The following CTNNA2 variants were observed in gnomAD, a reference collection of about 807,000 sequenced individuals.
CTNNA2 encodes catenin alpha 2, also known as catenin alpha-2.
A neutral mutation model predicts 101.0 loss-of-function variants in CTNNA2; 42 were observed. The observed-to-expected ratio is 0.42, with a 90% confidence interval of 0.32 to 0.54. The LOEUF is 0.54. Ranked by LOEUF, CTNNA2 falls within the 20% of genes least tolerant of loss-of-function variation. The pLI is 0.14. For synonymous variants in CTNNA2, 450 were observed against 456.4 expected (o/e 0.99, Z 0.18); for missense variants, 871 against 1,223.1 (o/e 0.71, Z 4.29).
chr2:79,825,712 A>G (rs1026406791), intron 3 of CTNNA2, among the ~76,000 whole-genome samples: 32 of 152,206 alleles, frequency 2.1e-4, no homozygotes, highest in African/African-American at 7.2e-4. Flanking sequence ...AATTTAGGAA[A>G]TATCATATAG....
At chr2:80,090,225 C>G (rs572345226) in intron 7 of CTNNA2, among the ~76,000 whole-genome samples, 1 of 149,430 alleles carries the variant, frequency 6.7e-6, no homozygotes, top group East Asian at 2.0e-4. Flanking sequence ...TGTGTGCATG[C>G]CTACATGTGA....
intron 9 of CTNNA2, among the ~76,000 whole-genome samples, chr2:80,425,545 G>A (rs962215524): frequency 6.6e-6 from 1 of 151,706 alleles, no homozygotes; most frequent in African/African-American, 2.4e-5. Flanking sequence ...TTTGATCTCT[G>A]TTTGAAAACC....
chr2:80,439,897 G>A (rs554283299), intron 9 of CTNNA2, among the ~76,000 whole-genome samples: 13 of 152,298 alleles, frequency 8.5e-5, no homozygotes, highest in African/African-American at 3.1e-4. Flanking sequence ...TCTACTATGT[G>A]CCAATAGTAT....
At chr2:79,209,573 T>A (rs1053752861) in intron 2 of CTNNA2, among the ~76,000 whole-genome samples, 1 of 152,210 alleles carries the variant, frequency 6.6e-6, no homozygotes. Flanking sequence ...CTGAAAACTG[T>A]CTTTTAATGC....
upstream of CTNNA2, among the ~76,000 whole-genome samples, chr2:79,512,692 CT>C (rs968799881): frequency 1.6e-4 from 24 of 152,000 alleles, no homozygotes; most frequent in African/African-American, 5.8e-4. Context: ...CACCTGCGCC[CT>C]ACGGCGGTGC....
intron 12 of CTNNA2, among the ~76,000 whole-genome samples, chr2:80,566,923 C>T (rs533765623): frequency 6.6e-6 from 1 of 152,122 alleles, no homozygotes. Context: ...GAAGTCATAA[C>T]CAAGATTCGA....
intron 7 of CTNNA2, among the ~76,000 whole-genome samples, chr2:80,023,837 C>T (rs1046848954): frequency 2.0e-5 from 3 of 152,118 alleles, no homozygotes; most frequent in African/African-American, 7.2e-5. Flanking sequence ...CCTGTAATCC[C>T]AGCACTTTGG....
chr2:80,039,423 G>A (rs745673896), intron 7 of CTNNA2, among the ~76,000 whole-genome samples: 15 of 152,182 alleles, frequency 9.9e-5, no homozygotes, highest in Non-Finnish European at 2.2e-4. Context: ...TTATCAGTCC[G>A]TCTTCTCATG....
At chr2:79,371,747 TC>T (rs1423734066) in intron 3 of CTNNA2, among the ~76,000 whole-genome samples, 1 of 152,062 alleles carries the variant, frequency 6.6e-6, no homozygotes, top group Non-Finnish European at 1.5e-5. Flanking sequence ...TTCCTATCAG[TC>T]CTGGGCAAAG....
At chr2:79,410,557 A>G (rs1678397917) in intron 4 of CTNNA2, among the ~76,000 whole-genome samples, 1 of 152,174 alleles carries the variant, frequency 6.6e-6, no homozygotes, top group Non-Finnish European at 1.5e-5. Context: ...CTATTGAGAT[A>G]ATCGTGTGGT....
At chr2:79,699,980 T>C (rs1684898336) in intron 2 of CTNNA2, among the ~76,000 whole-genome samples, 2 of 150,062 alleles carry the variant, frequency 1.3e-5, no homozygotes, top group African/African-American at 4.9e-5. Flanking sequence ...TGCATATATA[T>C]TTTATCCTCG....
intron 7 of CTNNA2, among the ~76,000 whole-genome samples, chr2:80,385,473 G>A (rs1320184622): frequency 6.6e-6 from 1 of 152,198 alleles, no homozygotes; most frequent in Non-Finnish European, 1.5e-5. Context: ...CCAGCCTCCA[G>A]AAATGTGAGA....
rs769095342 is a variant in CTNNA2 at position 79,651,577 on chromosome 2, T to A, written c.21T>A (p.Pro7=). Residue 7 remains proline (P), a synonymous_variant, in exon 2 of 19, where the codon CCT becomes CCA. Coordinates refer to ENST00000402739, the MANE Select transcript of CTNNA2 (RefSeq NM_001282597.3). MTSATS[P]IILKWDPKSL... ...GGAGCATGACTTCGGCAACTTCACC[T>A]ATCATTCTGAAATGGGACCCCAAAA... The A allele has an allele frequency of 6.2e-7, 1 of 1,613,834 alleles. No homozygotes were observed. Among genetic ancestry groups the A allele is most frequent in the Non-Finnish European group, 8.5e-7 (1 of 1,179,824 alleles).
At chr2:79,564,558 A>C (rs1394479581) in intron 1 of CTNNA2, among the ~76,000 whole-genome samples, 2 of 152,140 alleles carry the variant, frequency 1.3e-5, no homozygotes, top group Non-Finnish European at 2.9e-5. Flanking sequence ...TAGAAATCCT[A>C]CTCTGGGGAT....
chr2:79,678,267 C>T (rs111807721), intron 2 of CTNNA2, among the ~76,000 whole-genome samples: 7,443 of 151,978 alleles, frequency 0.049, 617 homozygotes, highest in African/African-American at 0.17. Flanking sequence ...CCATGCTGGG[C>T]GCGGTAGCTC....
intron 7 of CTNNA2, among the ~76,000 whole-genome samples, chr2:80,213,871 G>C (rs1708076101): frequency 6.6e-6 from 1 of 152,162 alleles, no homozygotes; most frequent in African/African-American, 2.4e-5. Context: ...TGGTCTCTAA[G>C]GACTTGCTTT....
intron 9 of CTNNA2, among the ~76,000 whole-genome samples, chr2:80,512,882 G>T (rs562544633): frequency 2.6e-5 from 4 of 152,014 alleles, no homozygotes; most frequent in Admixed American, 2.6e-4. Context: ...GAGGGCCGTT[G>T]TAATCTTTAA....
At chr2:79,842,616 G>T (rs1451396733) in intron 3 of CTNNA2, among the ~76,000 whole-genome samples, 2 of 151,994 alleles carry the variant, frequency 1.3e-5, no homozygotes, top group Admixed American at 1.3e-4. Context: ...CCGACTTTCA[G>T]ACTTACATCT....
intron 2 of CTNNA2, among the ~76,000 whole-genome samples, chr2:79,307,614 C>T (rs1676277540): frequency 6.6e-6 from 1 of 152,098 alleles, no homozygotes; most frequent in Non-Finnish European, 1.5e-5. Context: ...TTTCTTTACC[C>T]ATCTGTTGTT....
Sources: allele counts gnomAD v4.1 joint callset (sites outside exome capture counted in the v4.1 genomes callset), GRCh38; gene constraint gnomAD v4.1.1; transcripts MANE v1.5; gene names NCBI Gene and HGNC (gene_info 2026-07-23, HGNC 2026-07-21).